SCAMP1: variants seen among roughly 807,000 people sequenced by gnomAD.
The protein encoded by SCAMP1 is secretory carrier-associated membrane protein 1.
SCAMP1 carries 15 observed loss-of-function variants against 41.8 expected under a neutral mutation model. The observed-to-expected ratio is 0.36, with a 90% CI of 0.24 to 0.55. SCAMP1 has a LOEUF of 0.55. Ranked by LOEUF, SCAMP1 falls within the 20% of genes least tolerant of loss-of-function variation. SCAMP1 has a pLI of 0.86. For synonymous variants in SCAMP1, 135 were observed against 136.8 expected (o/e 0.99, Z 0.09); for missense variants, 341 against 412.6 (o/e 0.83, Z 1.50).
chr5:78,400,343 G>A (rs560859209), intron 2 of SCAMP1, among the ~76,000 whole-genome samples: 1 of 152,142 alleles, frequency 6.6e-6, no homozygotes, highest in African/African-American at 2.4e-5. Context: ...TGTGTTGACT[G>A]TTTTGGGTTT....
chr5:78,455,497 A>C (rs1244778151), intron 7 of SCAMP1, among the ~76,000 whole-genome samples: 2 of 130,850 alleles, frequency 1.5e-5, no homozygotes, highest in Non-Finnish European at 3.2e-5. Context: ...AGTGGTTTTG[A>C]GTGAGATTCT....
At chr5:78,438,277 G>C (rs1752816491) in intron 6 of SCAMP1, among the ~76,000 whole-genome samples, 1 of 152,072 alleles carries the variant, frequency 6.6e-6, no homozygotes, top group Non-Finnish European at 1.5e-5. Flanking sequence ...GTTTGCTCTT[G>C]CTTCTCTAGT....
At chr5:78,394,171 A>G (rs949893321) in intron 2 of SCAMP1, among the ~76,000 whole-genome samples, 2 of 152,198 alleles carry the variant, frequency 1.3e-5, no homozygotes, top group African/African-American at 4.8e-5. Flanking sequence ...ATCTCTGACC[A>G]TAAAGGGACA....
At chr5:78,392,540 C>A (rs1390144360) in intron 2 of SCAMP1, among the ~76,000 whole-genome samples, 1 of 152,128 alleles carries the variant, frequency 6.6e-6, no homozygotes, top group Admixed American at 6.5e-5. Context: ...AAATATAAAT[C>A]ATGATTGTAA....
chr5:78,468,607 T>C (rs1753799786), intron 8 of SCAMP1, among the ~76,000 whole-genome samples: 1 of 152,210 alleles, frequency 6.6e-6, no homozygotes, highest in Non-Finnish European at 1.5e-5. Context: ...TCATAGACTG[T>C]CATGTTCACA....
rs188470115 is a variant in SCAMP1, at chr5:78,392,293, C to T, written c.135+3379C>T. 2.5e-3 allele frequency among the ~76,000 whole-genome samples: 373 copies of T among 152,084 alleles called. 4 individuals are homozygous for T. The highest frequency in any genetic ancestry group is 3.0e-3 in the Non-Finnish European group (207 of 68,010). On this transcript the variant is annotated intron_variant, in intron 2 of 8. Transcript: ENST00000621999. ...ATTCAAAATTGATATTTTAAATTTC[C>T]GTTTTACTAATAAAGATCTGAGACA...
intron 6 of SCAMP1, among the ~76,000 whole-genome samples, chr5:78,426,474 C>G (rs1752473361): frequency 6.6e-6 from 1 of 152,182 alleles, no homozygotes; most frequent in African/African-American, 2.4e-5. Context: ...TTTTAATAAT[C>G]ACCATTTTAA....
intron 2 of SCAMP1, among the ~76,000 whole-genome samples, chr5:78,411,166 C>G (rs1007668072): frequency 6.6e-6 from 1 of 152,038 alleles, no homozygotes; most frequent in Admixed American, 6.6e-5. Flanking sequence ...TCAATTTTTG[C>G]TTTTGTTGCA....
intron 2 of SCAMP1, among the ~76,000 whole-genome samples, chr5:78,403,521 G>A (rs1375778110): frequency 2.6e-5 from 4 of 152,008 alleles, no homozygotes; most frequent in South Asian, 2.1e-4. Context: ...AAAATAAGAC[G>A]TGGTGTCTCA....
chr5:78,365,119 G>C (rs1750761050), intron 1 of SCAMP1, among the ~76,000 whole-genome samples: 1 of 152,104 alleles, frequency 6.6e-6, no homozygotes, highest in African/African-American at 2.4e-5. Flanking sequence ...CATATAGTAA[G>C]AGCTTAATGT....
intron 1 of SCAMP1, among the ~76,000 whole-genome samples, chr5:78,369,169 T>C (rs1276352875): frequency 6.6e-6 from 1 of 151,596 alleles, no homozygotes; most frequent in Non-Finnish European, 1.5e-5. Flanking sequence ...TGCAGTGGCG[T>C]GATCTCGGCT....
Position 78,422,812 on chromosome 5 carries a change from T to A in SCAMP1, c.632+852T>A, listed in dbSNP as rs191165812. ...GGGTTCATATATTTAATAGTTTTTT[T>A]AAACTCATTTTTATTTGAGTAAATT... On this transcript the variant is annotated intron_variant, in intron 6 of 8. Coordinates refer to ENST00000621999, the MANE Select transcript of SCAMP1 (RefSeq NM_004866.6). Among the ~76,000 whole-genome samples, 704 of 152,326 alleles carry A rather than the reference T, an allele frequency of 4.6e-3. 2 individuals carry two copies. Among genetic ancestry groups the A allele is most frequent in the Admixed American group, 0.011 (174 of 15,302 alleles).
intron 8 of SCAMP1, among the ~76,000 whole-genome samples, chr5:78,463,345 T>TTAA (rs1753664357): frequency 6.6e-6 from 1 of 152,246 alleles, no homozygotes. Flanking sequence ...AATTAAGGTC[T>TTAA]TAAATGTAAT....
intron 6 of SCAMP1, among the ~76,000 whole-genome samples, chr5:78,422,756 G>A (rs1246647630): frequency 6.6e-6 from 1 of 151,942 alleles, no homozygotes; most frequent in Non-Finnish European, 1.5e-5. Flanking sequence ...AGAAGTATTG[G>A]GAAATACTGA....
At position 78,469,890 on chromosome 5, in the gene SCAMP1, T is replaced by TAAA. The variant is rs141989832; in HGVS notation, c.853-5594_853-5592dup. Among the ~76,000 whole-genome samples, 24 of 15,018 alleles carry TAAA rather than the reference T, an allele frequency of 1.6e-3. 1 individual carries two copies. The highest frequency in any genetic ancestry group is 2.9e-3 in the Non-Finnish European group (17 of 5,874). 9.9% of individuals were successfully genotyped at this position (15,018 alleles called of 152,430 possible). A position where few individuals can be genotyped will look rare whatever the true frequency, so the allele number is the denominator to read the frequency against. ...TACCCTCCAACCCCTTACAAGACAT[T>TAAA]AAAAAAAAAAAAAAAAAAAAAACAA... On this transcript the variant is annotated intron_variant, in intron 8 of 8. Transcript: ENST00000621999.
intron 1 of SCAMP1, among the ~76,000 whole-genome samples, chr5:78,377,221 T>C (rs1305609639): frequency 1.3e-5 from 2 of 152,190 alleles, no homozygotes; most frequent in East Asian, 3.8e-4. Context: ...TGGCTCTGTT[T>C]TTGCTTTGGT....
intron 1 of SCAMP1, among the ~76,000 whole-genome samples, chr5:78,377,751 G>A (rs1433353275): frequency 5.3e-5 from 8 of 152,112 alleles, no homozygotes; most frequent in African/African-American, 1.7e-4. Flanking sequence ...CTTACTGTTG[G>A]TGGTAATGAT....
rs148734871 is a variant in SCAMP1, at chr5:78,468,295, A to G, written c.853-7209A>G. Among the ~76,000 whole-genome samples the G allele has an allele frequency of 1.7e-4, 26 of 152,256 alleles. No homozygotes were observed. The East Asian group carries it at 5.0e-3, about 29-fold the overall frequency. ...TTTAGTCCTTATCTTTCACAAATAG[A>G]TTTCTTGTTTTCTTTCAGATTATTT... On this transcript the variant is annotated intron_variant, in intron 8 of 8. Transcript: ENST00000621999.
chr5:78,446,791 A>G (rs984443135), intron 6 of SCAMP1, among the ~76,000 whole-genome samples: 23 of 152,320 alleles, frequency 1.5e-4, no homozygotes, highest in Non-Finnish European at 1.9e-4. Context: ...TACTGCTGCA[A>G]TAAGATGTGG....
Sources: gnomAD v4.1 joint callset for allele counts (sites outside exome capture counted in the v4.1 genomes callset) on GRCh38, gnomAD v4.1.1 for gene constraint, MANE v1.5 for transcripts, NCBI Gene and HGNC (gene_info 2026-07-23, HGNC 2026-07-21) for gene names.